Variants in TRUB2 observed in about 807,000 individuals in gnomAD.
TRUB2 encodes TruB pseudouridine synthase family member 2.
In TRUB2, 31 loss-of-function variants were observed where a neutral mutation model predicts 31.9. That is an observed-to-expected ratio of 0.97 (90% CI 0.73 to 1.31). The LOEUF is 1.31. TRUB2 is among the 50% of genes most tolerant of loss of function. The pLI, the probability that TRUB2 is intolerant of heterozygous loss-of-function variation, is 0.00. For missense variants in TRUB2, 451 were observed against 439.6 expected (o/e 1.03, Z -0.23); for synonymous variants, 201 against 182.6 (o/e 1.10, Z -0.81).
chr9:128,321,553 A>T, intron 2 of TRUB2, 46 bp downstream of exon 2: 1 of 1,610,566 alleles, frequency 6.2e-7, no homozygotes, highest in Non-Finnish European at 8.5e-7. Context: ...CGGCTCAGGG[A>T]TTTCCTGGGA....
At position 128,306,678 on chromosome 9, in the gene TRUB2, C is replaced by G. The variant is rs983155934; in HGVS notation, c.*2872G>C. ...GTCTTGAACTCCTGACCTCGTGATCCGCCCACCCTGGCCTCCCAAAGTGCT... is the reference window on the plus strand; with the variant it reads ...GTCTTGAACTCCTGACCTCGTGATCGGCCCACCCTGGCCTCCCAAAGTGCT... On this transcript the variant is annotated 3_prime_UTR_variant, in exon 8 of 8. Transcript: ENST00000372890. 4 of 150,322 alleles carry G rather than the reference C, an allele frequency of 2.7e-5. No individual in the cohort carries two copies. Among genetic ancestry groups the G allele is most frequent in the African/African-American group, 9.8e-5 (4 of 40,868 alleles). 9.3% of individuals were successfully genotyped at this position (150,322 alleles called of 1,614,324 possible). A position where few individuals can be genotyped will look rare whatever the true frequency, so the allele number is the denominator to read the frequency against.
intron 2 of TRUB2, among the ~76,000 whole-genome samples, chr9:128,321,079 G>A (rs554504737): frequency 6.6e-6 from 1 of 152,356 alleles, no homozygotes; most frequent in Non-Finnish European, 1.5e-5. Flanking sequence ...GAGCCACCAC[G>A]CCTAGCTAGA....
Position 128,317,180 on chromosome 9 carries a change from C to T in TRUB2, c.288G>A (p.Arg96=). ...GTACTCCAGAAGCCTGGGCATCCAA[C>T]CGATGTCCCACGCCAACCTTGAGAT... ...FAHLKVGVGH[R]LDAQASGVLV... The change falls in exon 3 of 8, where the codon CGG becomes CGA. Residue 96 remains arginine (R), a synonymous_variant. Transcript: ENST00000372890. 1.3e-6 allele frequency: 2 copies of T among 1,591,458 alleles called. No individual in the cohort carries two copies. Among genetic ancestry groups the T allele is most frequent in the Non-Finnish European group, 1.7e-6 (2 of 1,167,126 alleles).
intron 3 of TRUB2, chr9:128,316,878 T>C (rs1832077710): frequency 2.3e-6 from 1 of 427,532 alleles, no homozygotes; most frequent in Non-Finnish European, 4.2e-6. Context: ...ATCTACCTAA[T>C]AAAGTTGTTG....
Position 128,322,431 on chromosome 9 carries a change from T to G in TRUB2, c.-23A>C. The G allele has an allele frequency of 6.2e-7, 1 of 1,612,696 alleles. No individual in the cohort carries two copies. Among genetic ancestry groups the G allele is most frequent in the Non-Finnish European group, 8.5e-7 (1 of 1,178,884 alleles). The stretch of plus-strand genomic sequence containing the variant: ...CATACTTGAAGATCACAGCACCCGC[T>G]GGACCTGGACGGAAGTACCGCCAGG... On this transcript the variant is annotated 5_prime_UTR_variant, in exon 1 of 8. Transcript: ENST00000372890.
At chr9:128,314,225 A>G (rs570530488) in intron 4 of TRUB2, among the ~76,000 whole-genome samples, 197 of 152,256 alleles carry the variant, frequency 1.3e-3, no homozygotes, top group African/African-American at 4.6e-3. Flanking sequence ...TTCCATGACA[A>G]CCAGCACTGG....
chr9:128,315,661 G>A (rs964653777), intron 3 of TRUB2, 33 bp from the exon 4 acceptor site: 4 of 1,606,126 alleles, frequency 2.5e-6, no homozygotes, highest in Admixed American at 1.7e-5. Context: ...TCACACCTGG[G>A]ACCCCCTTCC....
chr9:128,307,210 T>C lies in TRUB2; in HGVS notation c.*2340A>G, dbSNP rs901299153. The C allele has an allele frequency of 2.0e-5, 3 of 152,364 alleles. No individual in the cohort carries two copies. Among genetic ancestry groups the C allele is most frequent in the East Asian group, 1.9e-4 (1 of 5,182 alleles). 9.4% of individuals were successfully genotyped at this position (152,364 alleles called of 1,614,324 possible). A position where few individuals can be genotyped will look rare whatever the true frequency, so the allele number is the denominator to read the frequency against. On this transcript the variant is annotated 3_prime_UTR_variant, in exon 8 of 8. Transcript: ENST00000372890. The stretch of plus-strand genomic sequence containing the variant: ...AGGCGGAGGTTGCAGTGAGCCAAGA[T>C]TGTGCCATTGCACTCCAGCCTGGGT...
chr9:128,321,824 G>C lies in TRUB2; in HGVS notation c.110-94C>G, dbSNP rs1192566846. 2.9e-6 allele frequency: 4 copies of C among 1,363,542 alleles called. No homozygotes were observed. In the African/African-American group the frequency reaches 5.8e-5, roughly 20 times the overall value. 84.5% of individuals were successfully genotyped at this position (1,363,542 alleles called of 1,614,324 possible). A position where few individuals can be genotyped will look rare whatever the true frequency, so the allele number is the denominator to read the frequency against. ...AGACAGGGCCTCGTTCTGTAGCCCA[G>C]GCTGAAGTGCAATGGCGCCATCATA... is the stretch of plus-strand genomic sequence containing the variant. On this transcript the variant is annotated intron_variant, in intron 1 of 7. Coordinates refer to ENST00000372890, the MANE Select transcript of TRUB2 (RefSeq NM_015679.3).
chr9:128,317,329 C>CA, intron 2 of TRUB2, 103 bp from the exon 3 acceptor site: 1 of 1,036,726 alleles, frequency 9.6e-7, no homozygotes, highest in South Asian at 1.4e-5. Context: ...TCATGGAGCC[C>CA]AAACTAGCAT....
At chr9:128,313,084 G>T (rs924222154) in intron 5 of TRUB2, among the ~76,000 whole-genome samples, 3 of 152,050 alleles carry the variant, frequency 2.0e-5, no homozygotes, top group Admixed American at 6.5e-5. Flanking sequence ...GGGTGTGGTG[G>T]TGTGCACCTG....
intron 5 of TRUB2, 70 bp from the exon 6 acceptor site, chr9:128,311,671 C>T: frequency 1.3e-6 from 2 of 1,521,384 alleles, no homozygotes; most frequent in South Asian, 1.1e-5. Context: ...CTCCTTCCCC[C>T]CAGGCCAGCC....
chr9:128,312,490 G>A (rs912605637), intron 5 of TRUB2, among the ~76,000 whole-genome samples: 3 of 151,796 alleles, frequency 2.0e-5, no homozygotes, highest in African/African-American at 7.3e-5. Context: ...GAGTGCAGTG[G>A]TGAGATCTCA....
chr9:128,322,208 C>A (rs1015871588), intron 1 of TRUB2, 92 bp downstream of exon 1: 17 of 1,050,612 alleles, frequency 1.6e-5, no homozygotes, highest in South Asian at 1.1e-4. Context: ...GTGAATAGGT[C>A]ACGTGATTTT....
chr9:128,322,266 G>C (rs748735739), intron 1 of TRUB2, 34 bp downstream of exon 1: 18 of 1,567,732 alleles, frequency 1.1e-5, no homozygotes, highest in Non-Finnish European at 1.6e-5. Context: ...AAGAGAACGA[G>C]AGCGGGAACG....
rs373600211 is a variant in TRUB2 at position 128,311,548 on chromosome 9, G to C, written c.514C>G (p.His172Asp). The change falls in exon 6 of 8, where the codon CAT becomes GAT. Residue 172 changes from histidine to aspartate, a missense_variant. His to Asp is a moderately conservative substitution (Grantham distance 81). Coordinates refer to ENST00000372890, the MANE Select transcript of TRUB2 (RefSeq NM_015679.3). ...ACTCACATCACCAGGGCCTTCTGAT[G>C]GGAGCCTTGGATAACGGCCAGAATG... Reference protein sequence around the residue: ...DRILAVIQGSHQKALVMYSNL... With the variant: ...DRILAVIQGSDQKALVMYSNL... 2 of 1,614,126 alleles carry C rather than the reference G, an allele frequency of 1.2e-6. No homozygotes were observed. Among genetic ancestry groups the C allele is most frequent in the Non-Finnish European group, 1.7e-6 (2 of 1,180,000 alleles).
At chr9:128,319,633 C>G (rs954247195) in intron 2 of TRUB2, among the ~76,000 whole-genome samples, 11 of 151,516 alleles carry the variant, frequency 7.3e-5, no homozygotes, top group African/African-American at 2.7e-4. Context: ...CATGTCGTCC[C>G]ATATACCTTT....
At chr9:128,320,310 C>T (rs1436201432) in intron 2 of TRUB2, among the ~76,000 whole-genome samples, 1 of 151,188 alleles carries the variant, frequency 6.6e-6, no homozygotes, top group Non-Finnish European at 1.5e-5. Context: ...GCTGGAACTA[C>T]AGGCATATGC....
intron 7 of TRUB2, 115 bp from the exon 8 acceptor site, chr9:128,309,990 C>T: frequency 1.8e-6 from 2 of 1,134,948 alleles, no homozygotes; most frequent in Non-Finnish European, 2.5e-6. Context: ...AGCAAGACCC[C>T]TAAGCTCTCC....
Sources: allele counts gnomAD v4.1 joint callset (sites outside exome capture counted in the v4.1 genomes callset), GRCh38; gene constraint gnomAD v4.1.1; transcripts MANE v1.5; gene names NCBI Gene and HGNC (gene_info 2026-07-23, HGNC 2026-07-21).